PARP11: variants seen among roughly 807,000 people sequenced by gnomAD.
PARP11 encodes the protein poly(ADP-ribose) polymerase family member 11, also known as protein mono-ADP-ribosyltransferase PARP11.
PARP11 carries 31 observed loss-of-function variants against 42.9 expected under a neutral mutation model. That is an observed-to-expected ratio of 0.72 (90% confidence interval 0.54 to 0.98). PARP11 has a LOEUF of 0.98. Ranked by LOEUF, PARP11 falls within the 50% of genes least tolerant of loss-of-function variation. The probability of loss-of-function intolerance (pLI) is 0.00; values close to 1 mark genes in which losing one functional copy is unlikely to be tolerated. For missense variants in PARP11, 365 were observed against 413.1 expected (o/e 0.88, Z 1.01); for synonymous variants, 137 against 127.3 (o/e 1.08, Z -0.51).
At chr12:3,812,963 C>G (rs1428391870) in intron 7 of PARP11, among the ~76,000 whole-genome samples, 1 of 151,938 alleles carries the variant, frequency 6.6e-6, no homozygotes, top group Non-Finnish European at 1.5e-5. Flanking sequence ...CCACCACACC[C>G]AACTAATTTT....
At chr12:3,847,421 TAAAATA>T (rs1948025355) in intron 1 of PARP11, among the ~76,000 whole-genome samples, 1 of 151,840 alleles carries the variant, frequency 6.6e-6, no homozygotes, top group Non-Finnish European at 1.5e-5. Context: ...AAATCCTCAA[TAAAATA>T]CTAGAAAACT....
chr12:3,846,066 G>C (rs552032797), intron 1 of PARP11, among the ~76,000 whole-genome samples: 8 of 152,112 alleles, frequency 5.3e-5, no homozygotes, highest in African/African-American at 1.9e-4. Flanking sequence ...GTATATATAC[G>C]TATCTTTTGA....
chr12:3,823,948 T>C (rs1301200437), intron 4 of PARP11, among the ~76,000 whole-genome samples: 2 of 152,124 alleles, frequency 1.3e-5, no homozygotes, highest in Admixed American at 6.6e-5. Flanking sequence ...AGGAACACAT[T>C]TGTTCATCTG....
chr12:3,864,618 C>T (rs1378462497), intron 1 of PARP11, among the ~76,000 whole-genome samples: 1 of 152,172 alleles, frequency 6.6e-6, no homozygotes, highest in Non-Finnish European at 1.5e-5. Flanking sequence ...TTATCTGTTT[C>T]TTCAGTGAGC....
intron 1 of PARP11, among the ~76,000 whole-genome samples, chr12:3,859,734 G>A (rs1202373077): frequency 6.6e-6 from 1 of 152,028 alleles, no homozygotes; most frequent in Non-Finnish European, 1.5e-5. Flanking sequence ...GATACAAATA[G>A]GTGGAAAGTA....
In PARP11 at chr12:3,835,609, G is replaced by A. The variant is rs116866812; in HGVS notation, c.19-5591C>T. Among the ~76,000 whole-genome samples the A allele has an allele frequency of 4.5e-3, 688 of 152,208 alleles. 1 individual carries two copies. Among genetic ancestry groups the A allele is most frequent in the Non-Finnish European group, 7.5e-3 (507 of 67,998 alleles). On this transcript the variant is annotated intron_variant, in intron 1 of 7. Coordinates refer to ENST00000228820, the MANE Select transcript of PARP11 (RefSeq NM_020367.6). ...AGCAATTATTACAAATATGCTCAAA[G>A]ACATAAATGAAACTTTGCTTAACAG...
At chr12:3,830,334 T>C (rs773489201) in intron 1 of PARP11, among the ~76,000 whole-genome samples, 3 of 152,224 alleles carry the variant, frequency 2.0e-5, no homozygotes, top group Non-Finnish European at 2.9e-5. Context: ...ATTTTCAATT[T>C]TATCTTATGC....
chr12:3,858,546 G>C (rs1948233356), intron 1 of PARP11, among the ~76,000 whole-genome samples: 1 of 152,140 alleles, frequency 6.6e-6, no homozygotes, highest in Admixed American at 6.5e-5. Flanking sequence ...GCCCCTATAG[G>C]AGCCACTACT....
chr12:3,868,059 A>G (rs1196656231), intron 1 of PARP11, among the ~76,000 whole-genome samples: 1 of 152,248 alleles, frequency 6.6e-6, no homozygotes, highest in Non-Finnish European at 1.5e-5. Flanking sequence ...AATGTGGTCT[A>G]ACCTACATCT....
chr12:3,833,796 GGTCT>G (rs1419714732), intron 1 of PARP11, among the ~76,000 whole-genome samples: 1 of 152,102 alleles, frequency 6.6e-6, no homozygotes, highest in African/African-American at 2.4e-5. Context: ...CATCCTACCA[GGTCT>G]GTATTATGAA....
At chr12:3,826,299 A>G (rs1475869616) in intron 3 of PARP11, 66 bp from the exon 4 acceptor site, 1 of 1,131,990 alleles carries the variant, frequency 8.8e-7, no homozygotes. Context: ...TGTCATGAAG[A>G]TTAATAGCCA....
chr12:3,850,195 T>C (rs1215444954), intron 1 of PARP11, among the ~76,000 whole-genome samples: 1 of 152,070 alleles, frequency 6.6e-6, no homozygotes, highest in African/African-American at 2.4e-5. Context: ...TGTTCTCCCC[T>C]TTTTTCTATC....
At position 3,814,030 on chromosome 12, in the gene PARP11, TA is replaced by T. The variant is rs747145338; in HGVS notation, c.700+6del. 10 of 1,546,794 alleles carry T rather than the reference TA, an allele frequency of 6.5e-6. No homozygotes were observed. The highest frequency in any genetic ancestry group is 3.4e-4 in the Middle Eastern group (2 of 5,854). ...GCTCAAATTGGACCTGGAATTCTGA[TA>T]ATTACCTTTTCCAAAGACAGCACCA... On this transcript the variant is annotated splice_donor_region_variant and intron_variant, in intron 7 of 7. Coordinates refer to ENST00000228820, the MANE Select transcript of PARP11 (RefSeq NM_020367.6).
At chr12:3,865,263 C>T (rs573075908) in intron 1 of PARP11, among the ~76,000 whole-genome samples, 1 of 152,106 alleles carries the variant, frequency 6.6e-6, no homozygotes, top group Non-Finnish European at 1.5e-5. Flanking sequence ...GTTTTATGGG[C>T]CAGAATATGG....
chr12:3,848,169 A>C (rs1948035161), intron 1 of PARP11, among the ~76,000 whole-genome samples: 1 of 152,244 alleles, frequency 6.6e-6, no homozygotes, highest in African/African-American at 2.4e-5. Context: ...AGACATAAAA[A>C]TGGAAAGATA....
At position 3,840,905 on chromosome 12, in the gene PARP11, C is replaced by T; in HGVS notation, c.19-10887G>A. ...TCAAATCCAGCTCCCCTTCTAGTTT[C>T]TCCAGAGGTACATCTAACTCCTGCA... On this transcript the variant is annotated intron_variant, in intron 1 of 7. Transcript: ENST00000228820. This position sits in a 1 kb window ranked among gnomAD's most constrained non-coding sequence, Gnocchi z 4.4. The T allele has an allele frequency of 1.2e-6, 2 of 1,602,118 alleles. No homozygotes were observed. The highest frequency in any genetic ancestry group is 2.2e-5 in the East Asian group (1 of 44,834).
At chr12:3,845,311 T>C (rs1202045285) in intron 1 of PARP11, among the ~76,000 whole-genome samples, 1 of 152,224 alleles carries the variant, frequency 6.6e-6, no homozygotes, top group Non-Finnish European at 1.5e-5. Flanking sequence ...AGACCCTGCC[T>C]TGTCCTGGCA....
At chr12:3,813,727 C>G (rs1018068544) in intron 7 of PARP11, among the ~76,000 whole-genome samples, 2 of 152,186 alleles carry the variant, frequency 1.3e-5, no homozygotes, top group African/African-American at 4.8e-5. Flanking sequence ...TTCCCCTCAC[C>G]TCTCTCCTTA....
chr12:3,832,369 G>A (rs1591772748), intron 1 of PARP11, among the ~76,000 whole-genome samples: 1 of 152,194 alleles, frequency 6.6e-6, no homozygotes, highest in African/African-American at 2.4e-5. Context: ...ACAATTTTTT[G>A]TCTAGATTCA....
Sources: gnomAD v4.1 joint callset for allele counts (sites outside exome capture counted in the v4.1 genomes callset) on GRCh38, gnomAD v4.1.1 for gene constraint, Gnocchi (gnomAD v3.1) non-coding constraint, MANE v1.5 for transcripts, NCBI Gene and HGNC (gene_info 2026-07-23, HGNC 2026-07-21) for gene names.